The following PTPRR variants were observed in gnomAD, a reference collection of about 807,000 sequenced individuals.
PTPRR encodes the protein protein tyrosine phosphatase receptor type R, also known as receptor-type tyrosine-protein phosphatase R.
PTPRR carries 38 observed loss-of-function variants against 77.2 expected under a neutral mutation model. That is an observed-to-expected ratio of 0.49 (90% CI 0.38 to 0.65). The LOEUF (loss-of-function observed/expected upper bound fraction) is 0.65. PTPRR is among the 30% of genes least tolerant of loss of function. The pLI is 0.00. For missense variants in PTPRR, 744 were observed against 799.2 expected (o/e 0.93, Z 0.83); for synonymous variants, 299 against 283.1 (o/e 1.06, Z -0.57).
intron 4 of PTPRR, among the ~76,000 whole-genome samples, chr12:70,754,983 T>A (rs183799543): frequency 6.6e-6 from 1 of 152,288 alleles, no homozygotes; most frequent in Non-Finnish European, 1.5e-5. Flanking sequence ...TTTATTTGTA[T>A]CATTTTTGTT....
chr12:70,726,581 ATTT>A (rs148966922), intron 6 of PTPRR, among the ~76,000 whole-genome samples: 95,619 of 139,508 alleles, frequency 0.69, 32,739 homozygotes, highest in East Asian at 0.98. Flanking sequence ...TCTGCATTTA[ATTT>A]TTTTTTTTTT....
chr12:70,718,486 C>T (rs1278086810), intron 6 of PTPRR, among the ~76,000 whole-genome samples: 2 of 152,086 alleles, frequency 1.3e-5, no homozygotes, highest in Non-Finnish European at 2.9e-5. Flanking sequence ...GGGCTGGTCT[C>T]AAACTCCTGA....
intron 13 of PTPRR, among the ~76,000 whole-genome samples, chr12:70,647,280 G>A (rs1886236197): frequency 6.6e-6 from 1 of 152,134 alleles, no homozygotes; most frequent in Non-Finnish European, 1.5e-5. Flanking sequence ...GTTGCCAATG[G>A]GATTAAAAGG....
intron 10 of PTPRR, among the ~76,000 whole-genome samples, chr12:70,681,462 TG>T (rs1271213342): frequency 1.3e-5 from 2 of 152,338 alleles, no homozygotes; most frequent in East Asian, 3.9e-4. Flanking sequence ...TGGGGGCTGC[TG>T]GGGCCTCTTG....
intron 8 of PTPRR, among the ~76,000 whole-genome samples, chr12:70,686,044 T>A (rs1887856662): frequency 6.6e-6 from 1 of 152,202 alleles, no homozygotes; most frequent in South Asian, 2.1e-4. Context: ...AAATGTTATA[T>A]CCTAGTGGTT....
At chr12:70,741,485 A>C (rs1890044509) in intron 6 of PTPRR, among the ~76,000 whole-genome samples, 1 of 151,732 alleles carries the variant, frequency 6.6e-6, no homozygotes, top group African/African-American at 2.4e-5. Flanking sequence ...CTGTATTCCT[A>C]CTCCCTCTTT....
intron 2 of PTPRR, among the ~76,000 whole-genome samples, chr12:70,868,765 T>C (rs11178460): frequency 0.21 from 32,118 of 151,852 alleles, 4,511 homozygotes; most frequent in Admixed American, 0.4. Context: ...CTATTCACAA[T>C]AGCAAAGACT....
chr12:70,891,098 A>G (rs757813142), intron 2 of PTPRR, among the ~76,000 whole-genome samples: 63 of 152,250 alleles, frequency 4.1e-4, no homozygotes, highest in Non-Finnish European at 8.1e-4. Context: ...AAGCTAATGC[A>G]GCAAAATTGC....
At chr12:70,824,546 A>G (rs1892076546) in intron 2 of PTPRR, among the ~76,000 whole-genome samples, 1 of 152,206 alleles carries the variant, frequency 6.6e-6, no homozygotes, top group Admixed American at 6.5e-5. Flanking sequence ...CATCCCACCT[A>G]CATTTCAGCC....
chr12:70,738,750 G>A (rs1347100518), intron 6 of PTPRR, among the ~76,000 whole-genome samples: 5 of 152,196 alleles, frequency 3.3e-5, no homozygotes, highest in Non-Finnish European at 5.9e-5. Context: ...GGAGGGCAAG[G>A]ATGGGACAAA....
intron 10 of PTPRR, among the ~76,000 whole-genome samples, chr12:70,663,473 A>G (rs925377469): frequency 3.3e-5 from 5 of 152,162 alleles, no homozygotes; most frequent in African/African-American, 1.2e-4. Context: ...ACAACATGTT[A>G]TTATTGCTGT....
intron 2 of PTPRR, among the ~76,000 whole-genome samples, chr12:70,820,141 C>G (rs2137039238): frequency 6.6e-6 from 1 of 151,984 alleles, no homozygotes; most frequent in Middle Eastern, 3.5e-3. Flanking sequence ...CATACATCAA[C>G]AACAAGGCTT....
chr12:70,785,111 T>A (rs577173096), intron 2 of PTPRR, among the ~76,000 whole-genome samples: 15 of 152,346 alleles, frequency 9.8e-5, no homozygotes, highest in Non-Finnish European at 1.9e-4. Flanking sequence ...CTCCATCCTG[T>A]CCCTTCACAT....
chr12:70,745,904 G>A lies in PTPRR; in HGVS notation c.921C>T (p.Gly307=). The A allele has an allele frequency of 6.2e-7, 1 of 1,614,024 alleles. No individual in the cohort carries two copies. Among genetic ancestry groups the A allele is most frequent in the Non-Finnish European group, 8.5e-7 (1 of 1,179,982 alleles). ...KVLNVVVDPQ[G]RGAPEIKATT... ...TAGCTTTGATCTCAGGAGCACCTCGGCCTTGAGGGTCCACGACAACATTCA... is the reference window on the plus strand; with the variant it reads ...TAGCTTTGATCTCAGGAGCACCTCGACCTTGAGGGTCCACGACAACATTCA... Residue 307 remains glycine, a synonymous_variant, in exon 6 of 14, where the codon GGC becomes GGT. Coordinates refer to ENST00000283228, the MANE Select transcript of PTPRR (RefSeq NM_002849.4).
chr12:70,918,250 G>A (rs545657889), intron 1 of PTPRR, among the ~76,000 whole-genome samples: 21 of 152,126 alleles, frequency 1.4e-4, no homozygotes, highest in Non-Finnish European at 2.6e-4. Flanking sequence ...AAATTAAAAT[G>A]CATTTAAAAT....
intron 13 of PTPRR, among the ~76,000 whole-genome samples, chr12:70,639,886 A>G (rs1885934044): frequency 6.6e-6 from 1 of 152,150 alleles, no homozygotes. Context: ...TCTACCTTGG[A>G]ATGGTTTATT....
chr12:70,771,353 C>A (rs1319949598), intron 2 of PTPRR, among the ~76,000 whole-genome samples: 1 of 151,682 alleles, frequency 6.6e-6, no homozygotes, highest in Non-Finnish European at 1.5e-5. Flanking sequence ...CATTGAGTAC[C>A]CATGGACATA....
intron 2 of PTPRR, among the ~76,000 whole-genome samples, chr12:70,766,683 G>T (rs1436302271): frequency 6.6e-6 from 1 of 151,066 alleles, no homozygotes; most frequent in Admixed American, 6.6e-5. Flanking sequence ...GATACTCCTC[G>T]AGAAGAGCAA....
At chr12:70,710,853 C>CCT (rs1285690184) in intron 6 of PTPRR, among the ~76,000 whole-genome samples, 1 of 151,910 alleles carries the variant, frequency 6.6e-6, no homozygotes, top group African/African-American at 2.4e-5. Context: ...AATGAGATAC[C>CCT]CTCTCACACC....
Sources: allele counts gnomAD v4.1 joint callset (sites outside exome capture counted in the v4.1 genomes callset), GRCh38; gene constraint gnomAD v4.1.1; transcripts MANE v1.5; gene names NCBI Gene and HGNC (gene_info 2026-07-23, HGNC 2026-07-21).